Variants in ARHGEF9 observed in about 807,000 individuals in gnomAD.
The protein encoded by ARHGEF9 is Cdc42 guanine nucleotide exchange factor 9.
Under a neutral mutation model 41.3 loss-of-function variants are expected in ARHGEF9, and 2 were observed. The observed-to-expected ratio is 0.05, with a 90% CI of 0.02 to 0.15. The LOEUF is 0.15. Among genes scored for constraint, ARHGEF9 ranks in the 10% least tolerant of loss-of-function variants. ARHGEF9 has a pLI of 1.00. For missense variants in ARHGEF9, 225 were observed against 424.7 expected (o/e 0.53, Z 4.13); for synonymous variants, 160 against 154.4 (o/e 1.04, Z -0.27).
intron 2 of ARHGEF9, among the ~76,000 whole-genome samples, chrX:63,710,912 G>A (rs782385029): frequency 2.7e-5 from 3 of 110,432 alleles, no homozygotes; most frequent in Non-Finnish European, 3.8e-5. Context: ...ATCATATAAC[G>A]TGATATACAG....
At chrX:63,748,055 A>G (rs782352527) in intron 1 of ARHGEF9, among the ~76,000 whole-genome samples, 6 of 112,249 alleles carry the variant, frequency 5.3e-5, no homozygotes, top group South Asian at 3.7e-4. Context: ...CTATGAACCT[A>G]GCATATCTTG....
At position 63,635,942 on chromosome X, in the gene ARHGEF9, C is replaced by T. The variant is rs1314636349; in HGVS notation, c.*2086G>A. The stretch of plus-strand genomic sequence containing the variant: ...CCAGGACCCTTGCCAAAGAGGCTTA[C>T]GTAGTTAGGTCATGTGCTGAACAGT... On this transcript the variant is annotated 3_prime_UTR_variant, in exon 10 of 10. Coordinates refer to ENST00000671741, the MANE Select transcript of ARHGEF9 (RefSeq NM_001353921.2). 5.6e-5 allele frequency: 7 copies of T among 125,481 alleles called. No homozygotes were observed. Among genetic ancestry groups the T allele is most frequent in the South Asian group, 3.1e-4 (1 of 3,257 alleles). 10.3% of individuals were successfully genotyped at this position (125,481 alleles called of 1,213,427 possible). A position where few individuals can be genotyped will look rare whatever the true frequency, so the allele number is the denominator to read the frequency against.
At chrX:63,686,086 A>G (rs1390171694) in intron 4 of ARHGEF9, among the ~76,000 whole-genome samples, 4 of 111,970 alleles carry the variant, frequency 3.6e-5, no homozygotes, top group Non-Finnish European at 7.5e-5. Context: ...CCGCAGCAAC[A>G]TTCATAATAG....
At chrX:63,653,975 G>GA (rs2048710003) in intron 8 of ARHGEF9, among the ~76,000 whole-genome samples, 2 of 109,216 alleles carry the variant, frequency 1.8e-5, no homozygotes, top group South Asian at 7.7e-4. Context: ...GGGAGAGAAA[G>GA]AAAAAAGATT....
intron 1 of ARHGEF9, among the ~76,000 whole-genome samples, chrX:63,750,154 C>A (rs1556439041): frequency 8.9e-6 from 1 of 112,106 alleles, no homozygotes; most frequent in Non-Finnish European, 1.9e-5. Flanking sequence ...TCTTATATCC[C>A]TGCCCAGAGC....
intron 8 of ARHGEF9, among the ~76,000 whole-genome samples, chrX:63,644,903 C>T (rs1157420368): frequency 1.8e-5 from 2 of 109,005 alleles, no homozygotes; most frequent in African/African-American, 6.7e-5. Context: ...GTATCTGGGG[C>T]CACAGGCTCA....
intron 8 of ARHGEF9, among the ~76,000 whole-genome samples, chrX:63,651,401 A>T (rs782125962): frequency 9.0e-6 from 1 of 111,289 alleles, no homozygotes; most frequent in Non-Finnish European, 1.9e-5. Context: ...AACAGAATAG[A>T]AAGTTTAAAA....
chrX:63,731,727 T>A (rs1248617923), intron 1 of ARHGEF9, among the ~76,000 whole-genome samples: 38 of 110,104 alleles, frequency 3.5e-4, no homozygotes, highest in African/African-American at 1.3e-3. Context: ...ACCTGGCTAA[T>A]TTTTTGTATT....
At chrX:63,782,306 A>G (rs2056395289) in intron 1 of ARHGEF9, among the ~76,000 whole-genome samples, 2 of 111,987 alleles carry the variant, frequency 1.8e-5, no homozygotes, top group African/African-American at 3.2e-5. Context: ...GTAAGAGAAT[A>G]CTGAGAATAA....
intron 5 of ARHGEF9, among the ~76,000 whole-genome samples, chrX:63,675,196 C>T (rs1396244777): frequency 1.8e-5 from 2 of 111,555 alleles, no homozygotes; most frequent in Non-Finnish European, 3.8e-5. Context: ...ACATGAGAGA[C>T]AAATGGACCA....
intron 7 of ARHGEF9, among the ~76,000 whole-genome samples, chrX:63,658,854 G>T (rs782052583): frequency 8.9e-6 from 1 of 111,852 alleles, no homozygotes; most frequent in Non-Finnish European, 1.9e-5. Context: ...TTCAGGACAG[G>T]GTGGTATTTG....
chrX:63,662,985 T>G (rs1477113196), intron 7 of ARHGEF9, among the ~76,000 whole-genome samples: 5 of 111,949 alleles, frequency 4.5e-5, no homozygotes, highest in Admixed American at 2.9e-4. Flanking sequence ...GGGATGTATA[T>G]ATTTTTAAAT....
At chrX:63,751,814 G>A (rs1382259566) in intron 1 of ARHGEF9, among the ~76,000 whole-genome samples, 1 of 109,670 alleles carries the variant, frequency 9.1e-6, no homozygotes, top group Non-Finnish European at 1.9e-5. Context: ...ACCACACCCC[G>A]CATCCACACT....
At chrX:63,649,798 A>G (rs2048411993) in intron 8 of ARHGEF9, among the ~76,000 whole-genome samples, 1 of 112,008 alleles carries the variant, frequency 8.9e-6, no homozygotes, top group Non-Finnish European at 1.9e-5. Flanking sequence ...ACCATCAGAG[A>G]ATACTATAAA....
intron 8 of ARHGEF9, among the ~76,000 whole-genome samples, chrX:63,647,843 T>C (rs2048224017): frequency 9.0e-6 from 1 of 111,463 alleles, no homozygotes; most frequent in Non-Finnish European, 1.9e-5. Flanking sequence ...AGAATTTGGC[T>C]GTGAATCCGT....
At chrX:63,704,512 C>T (rs1556399217) in intron 3 of ARHGEF9, among the ~76,000 whole-genome samples, 1 of 111,238 alleles carries the variant, frequency 9.0e-6, no homozygotes, top group Non-Finnish European at 1.9e-5. Context: ...GTAGCACATT[C>T]CGAGGGGGAA....
At position 63,774,576 on chromosome X, in the gene ARHGEF9, T is replaced by G. The variant is rs1164743005; in HGVS notation, c.30+10540A>C. On this transcript the variant is annotated intron_variant, in intron 1 of 9. Transcript: ENST00000671741. ...AACACTAATGTGCTATTTCCAGAACTTATTATTCCTTTAATGCCTTGATTC... is the reference window on the plus strand; with the variant it reads ...AACACTAATGTGCTATTTCCAGAACGTATTATTCCTTTAATGCCTTGATTC... 1.3e-4 allele frequency among the ~76,000 whole-genome samples: 15 copies of G among 111,608 alleles called. No individual in the cohort carries two copies. In the East Asian group the frequency reaches 3.1e-3, roughly 23 times the overall value.
In ARHGEF9 at chrX:63,665,928, C is replaced by A. The variant is rs781958713; in HGVS notation, c.1035G>T (p.Arg345=). 8 of 1,208,920 alleles carry A rather than the reference C, an allele frequency of 6.6e-6. No homozygotes were observed. The highest frequency in any genetic ancestry group is 8.9e-6 in the Non-Finnish European group (8 of 894,963). ...TCTGGTGGTCAAACAGGAAGAAGAC[C>A]CGCTGCTGGTTGCGGCCGTAGGGCT... ...IYQPYGRNQQ[R]VFFLFDHQMV... Residue 345 remains arginine, a synonymous_variant, in exon 7 of 10, where the codon CGG becomes CGT. Coordinates refer to ENST00000671741, the MANE Select transcript of ARHGEF9 (RefSeq NM_001353921.2).
chrX:63,665,118 C>A (rs1335497771), intron 7 of ARHGEF9, among the ~76,000 whole-genome samples: 1 of 112,227 alleles, frequency 8.9e-6, no homozygotes, highest in Non-Finnish European at 1.9e-5. Flanking sequence ...TCCCAGTTAG[C>A]CCCTGGAGCC....
Sources: allele counts gnomAD v4.1 joint callset (sites outside exome capture counted in the v4.1 genomes callset), GRCh38; gene constraint gnomAD v4.1.1; transcripts MANE v1.5; gene names NCBI Gene and HGNC (gene_info 2026-07-23, HGNC 2026-07-21).